ZNF512: variants seen among roughly 807,000 people sequenced by gnomAD.
ZNF512 encodes the protein zinc finger protein 512.
ZNF512 carries 25 observed loss-of-function variants against 77.5 expected under a neutral mutation model. The ratio of observed to expected loss-of-function variants is 0.32; its 90% CI spans 0.23 to 0.45. The LOEUF is 0.45. Among genes scored for constraint, ZNF512 ranks in the 20% least tolerant of loss-of-function variants. The pLI, the probability that ZNF512 is intolerant of heterozygous loss-of-function variation, is 1.00. For missense variants in ZNF512, 483 were observed against 692.6 expected (o/e 0.70, Z 3.40); for synonymous variants, 246 against 239.9 (o/e 1.03, Z -0.24).
intron 10 of ZNF512, among the ~76,000 whole-genome samples, chr2:27,612,704 C>T (rs1672717611): frequency 6.6e-6 from 1 of 152,132 alleles, no homozygotes; most frequent in Non-Finnish European, 1.5e-5. Flanking sequence ...TTCAGAATTA[C>T]CAACTTATTC....
intron 2 of ZNF512, among the ~76,000 whole-genome samples, chr2:27,596,313 C>T (rs534154427): frequency 1.1e-4 from 17 of 152,268 alleles, no homozygotes; most frequent in Non-Finnish European, 1.6e-4. Context: ...TAGGCTGGTA[C>T]GTATGGGTAT....
intron 2 of ZNF512, among the ~76,000 whole-genome samples, chr2:27,594,204 C>T (rs1671731491): frequency 1.3e-5 from 2 of 149,298 alleles, no homozygotes; most frequent in African/African-American, 2.5e-5. Context: ...AGAGGCACTC[C>T]TCACCTCCCG....
chr2:27,610,685 A>T (rs1322569270), intron 10 of ZNF512, among the ~76,000 whole-genome samples: 3 of 140,242 alleles, frequency 2.1e-5, no homozygotes, highest in Non-Finnish European at 3.0e-5. Flanking sequence ...GGTTCAAGTG[A>T]TTCTCATGCC....
chr2:27,614,908 T>C (rs1228393703), intron 10 of ZNF512, among the ~76,000 whole-genome samples: 8 of 152,238 alleles, frequency 5.3e-5, no homozygotes, highest in African/African-American at 1.9e-4. Context: ...TGTAGCTTTT[T>C]TTTCTTTTTA....
rs763799014 is a variant in ZNF512, at chr2:27,600,660, A to G, written c.458-31A>G. On this transcript the variant is annotated intron_variant, in intron 5 of 13. Coordinates refer to ENST00000355467, the MANE Select transcript of ZNF512 (RefSeq NM_032434.4). ...TTTTTGTTTCTGGAGAATACTGCAG[A>G]TTACAAAGTGTTTCTTTCTCTCCTT... 4.4e-6 allele frequency: 7 copies of G among 1,603,190 alleles called. No homozygotes were observed. In the Admixed American group the frequency reaches 1.2e-4, roughly 28 times the overall value.
At chr2:27,606,449 G>T (rs1011286728) in intron 9 of ZNF512, among the ~76,000 whole-genome samples, 2 of 151,448 alleles carry the variant, frequency 1.3e-5, no homozygotes, top group Admixed American at 1.3e-4. Context: ...TGCAACCTCC[G>T]CCTCCTGGGC....
intron 9 of ZNF512, among the ~76,000 whole-genome samples, chr2:27,606,956 T>G (rs1672392373): frequency 6.6e-6 from 1 of 152,058 alleles, no homozygotes; most frequent in African/African-American, 2.4e-5. Flanking sequence ...ATTCTCCCTT[T>G]CCAAAGGCCA....
In ZNF512 at chr2:27,599,626, GGAA is replaced by G; in HGVS notation, c.327_329del (p.Glu109del). 6.2e-7 allele frequency: 1 copy of G among 1,614,226 alleles called. No individual in the cohort carries two copies. Among genetic ancestry groups the G allele is most frequent in the Non-Finnish European group, 8.5e-7 (1 of 1,180,026 alleles). On this transcript the variant is annotated inframe_deletion, in exon 4 of 14. Coordinates refer to ENST00000355467, the MANE Select transcript of ZNF512 (RefSeq NM_032434.4). ...CCAAGGGGAAAAGGAAACCCAGGCA[GGAA>G]GAAGATGAAGACTATCGAGAATTTC... is the stretch of plus-strand genomic sequence containing the variant.
At chr2:27,614,028 TA>T (rs1432989411) in intron 10 of ZNF512, among the ~76,000 whole-genome samples, 2 of 152,176 alleles carry the variant, frequency 1.3e-5, no homozygotes, top group Non-Finnish European at 2.9e-5. Context: ...TGCTTATAAA[TA>T]AAGCCACTTC....
intron 2 of ZNF512, among the ~76,000 whole-genome samples, chr2:27,589,703 A>C (rs1671487914): frequency 6.6e-6 from 1 of 152,146 alleles, no homozygotes; most frequent in Admixed American, 6.5e-5. Context: ...TTAAGTTTCT[A>C]AGTATTGCTT....
intron 2 of ZNF512, among the ~76,000 whole-genome samples, chr2:27,592,667 C>CTTTTTTTTTTTTTTTTTTTTTTT (rs139890307): frequency 4.9e-5 from 4 of 81,558 alleles, no homozygotes; most frequent in Non-Finnish European, 9.4e-5. Context: ...CCATGTTTAC[C>CTTTTTTTTTTTTTTTTTTTTTTT]TTTTTTTTTT....
At chr2:27,592,624 T>C (rs1671639945) in intron 2 of ZNF512, among the ~76,000 whole-genome samples, 1 of 145,902 alleles carries the variant, frequency 6.9e-6, no homozygotes, top group Non-Finnish European at 1.5e-5. Context: ...CTAGTTTATT[T>C]TTTATTGAGT....
chr2:27,610,040 C>A (rs1178491110), intron 10 of ZNF512, among the ~76,000 whole-genome samples: 1 of 151,126 alleles, frequency 6.6e-6, no homozygotes, highest in African/African-American at 2.4e-5. Flanking sequence ...GACTTCATCT[C>A]AAAAAAATAA....
intron 11 of ZNF512, among the ~76,000 whole-genome samples, chr2:27,615,756 G>A (rs1014142231): frequency 1.3e-5 from 2 of 152,184 alleles, no homozygotes; most frequent in Admixed American, 6.5e-5. Context: ...TTCACAGGAA[G>A]GGTAAATAGA....
intron 2 of ZNF512, among the ~76,000 whole-genome samples, chr2:27,583,926 G>GT (rs145957642): frequency 0.16 from 23,764 of 152,040 alleles, 2,216 homozygotes; most frequent in South Asian, 0.27. Context: ...TTTTTCTAAG[G>GT]TTCTTTTGTG....
At chr2:27,603,593 T>A (rs776954568) in intron 9 of ZNF512, among the ~76,000 whole-genome samples, 21,407 of 143,528 alleles carry the variant, frequency 0.15, 1,806 homozygotes, top group East Asian at 0.33. Flanking sequence ...TGTGTATATT[T>A]TTTTTTTTTT....
chr2:27,598,070 C>T lies in ZNF512; in HGVS notation c.93C>T (p.Ser31=), dbSNP rs918344287. 11 of 1,557,832 alleles carry T rather than the reference C, an allele frequency of 7.1e-6. No individual in the cohort carries two copies. The highest frequency in any genetic ancestry group is 9.6e-6 in the Non-Finnish European group (11 of 1,140,622). Residue 31 remains serine, a synonymous_variant, in exon 3 of 14, where the codon AGC becomes AGT. Coordinates refer to ENST00000355467, the MANE Select transcript of ZNF512 (RefSeq NM_032434.4). ...ATATATTTTTATGTTGTATTAGTAG[C>T]AGGACCCAGTGCTCCATAAAGGATA... is the stretch of plus-strand genomic sequence containing the variant. ...RSTRIVGAKN[S]RTQCSIKDNS... is the part of the protein sequence containing the mutation.
At chr2:27,589,312 G>C (rs1446343701) in intron 2 of ZNF512, among the ~76,000 whole-genome samples, 8 of 152,200 alleles carry the variant, frequency 5.3e-5, no homozygotes, top group Middle Eastern at 3.4e-3. Context: ...TAGATTTCCA[G>C]TTTCTTCTTG....
chr2:27,621,722 A>G lies in ZNF512; in HGVS notation c.*261A>G, dbSNP rs1377071943. On this transcript the variant is annotated 3_prime_UTR_variant, in exon 14 of 14. Coordinates refer to ENST00000355467, the MANE Select transcript of ZNF512 (RefSeq NM_032434.4). ...CCCAAAGAGCTCCCTCTCAAGGCCA[A>G]CTATAGGCTCCTCTTGCCCTGTACA... is the stretch of plus-strand genomic sequence containing the variant. 7.7e-6 allele frequency: 3 copies of G among 390,618 alleles called. No individual in the cohort carries two copies. Among genetic ancestry groups the G allele is most frequent in the African/African-American group, 6.1e-5 (3 of 49,280 alleles). The allele number at this position is 390,618 out of a possible 1,614,324, so 24.2% of individuals were successfully genotyped here. A position where few individuals can be genotyped will look rare whatever the true frequency, so the allele number is the denominator to read the frequency against.
Sources: allele counts gnomAD v4.1 joint callset (sites outside exome capture counted in the v4.1 genomes callset), GRCh38; gene constraint gnomAD v4.1.1; transcripts MANE v1.5; gene names NCBI Gene and HGNC (gene_info 2026-07-23, HGNC 2026-07-21).